The following PREPL variants were observed in gnomAD, a reference collection of about 807,000 sequenced individuals.
PREPL encodes prolyl endopeptidase like.
A neutral mutation model predicts 70.6 loss-of-function variants in PREPL; 77 were observed. The ratio of observed to expected loss-of-function variants is 1.09; its 90% CI spans 0.91 to 1.32. The LOEUF (loss-of-function observed/expected upper bound fraction) is 1.32, where lower values mean the gene tolerates loss of function less well. Ranked by LOEUF, PREPL falls within the 40% of genes most tolerant of loss-of-function variation. PREPL has a pLI of 0.00. For missense variants in PREPL, 1,002 were observed against 778.2 expected, an observed-to-expected ratio of 1.29 and a Z score of -3.42; for synonymous variants, 315 against 264.8, an observed-to-expected ratio of 1.19 and a Z score of -1.84.
In PREPL at chr2:44,342,448, T is replaced by TA; in HGVS notation, c.453dup (p.Asn152Ter). On this transcript the variant is annotated frameshift_variant, in exon 5 of 14. Coordinates refer to ENST00000409411, the MANE Select transcript of PREPL (RefSeq NM_001171613.2). LOFTEE classifies it high-confidence loss of function. ...TCTTTTTCTGTGTAAAAGCGTTCAT[T>TA]ACGTTTGTTATCACCAAAAGTGGCT... is the stretch of plus-strand genomic sequence containing the variant. The TA allele has an allele frequency of 6.2e-7, 1 of 1,613,342 alleles. No homozygotes were observed. The highest frequency in any genetic ancestry group is 8.5e-7 in the Non-Finnish European group (1 of 1,179,500).
intron 1 of PREPL, 131 bp from the exon 2 acceptor site, chr2:44,346,521 T>C (rs958173988): frequency 2.6e-6 from 2 of 757,798 alleles, no homozygotes; most frequent in Non-Finnish European, 4.3e-6. Context: ...ATAGTAGGTA[T>C]TTCACAGATT....
At chr2:44,361,824 C>G, upstream of PREPL, 1 of 1,188,924 alleles carries the variant, frequency 8.4e-7, no homozygotes, top group South Asian at 2.2e-5. Flanking sequence ...GGCGTGACAG[C>G]TCGGCCCTGG....
At chr2:44,358,290 C>G (rs1461699098) in intron 1 of PREPL, among the ~76,000 whole-genome samples, 4 of 152,052 alleles carry the variant, frequency 2.6e-5, no homozygotes, top group African/African-American at 7.2e-5. Context: ...GAATTGCATA[C>G]TTTAAAATGG....
chr2:44,331,452 C>T (rs557879004), intron 8 of PREPL, among the ~76,000 whole-genome samples: 7 of 152,132 alleles, frequency 4.6e-5, no homozygotes, highest in African/African-American at 9.6e-5. Flanking sequence ...GTGATCTGCC[C>T]GCCTCAGCCT....
chr2:44,348,913 G>C (rs999783552), intron 1 of PREPL, among the ~76,000 whole-genome samples: 3 of 152,178 alleles, frequency 2.0e-5, no homozygotes, highest in Non-Finnish European at 4.4e-5. Flanking sequence ...AATATCATTA[G>C]CGTACACAGC....
chr2:44,355,861 C>G (rs76933970), intron 1 of PREPL, among the ~76,000 whole-genome samples: 25 of 151,168 alleles, frequency 1.7e-4, no homozygotes, highest in African/African-American at 6.1e-4. Flanking sequence ...ACATGTTTAA[C>G]CAAAGGATTT....
chr2:44,332,298 T>TA (rs903157133), intron 8 of PREPL, among the ~76,000 whole-genome samples, 161 bp downstream of exon 8: 5 of 152,070 alleles, frequency 3.3e-5, no homozygotes, highest in African/African-American at 1.2e-4. Context: ...ATATTAAGGT[T>TA]AAAAAAAATT....
rs757025948 is a variant in PREPL, at chr2:44,359,564, C to A, written c.-49+1816G>T. 4 of 1,613,286 alleles carry A rather than the reference C, an allele frequency of 2.5e-6. No individual in the cohort carries two copies. In the African/African-American group the frequency reaches 5.3e-5, roughly 22 times the overall value. ...TGATATCTTGGGTTTATTCTGAAGACACTTGGTTAGGTGATATTTTTTCAA... is the reference window on the plus strand; with the variant it reads ...TGATATCTTGGGTTTATTCTGAAGAAACTTGGTTAGGTGATATTTTTTCAA... On this transcript the variant is annotated intron_variant, in intron 1 of 13. Coordinates refer to ENST00000409411, the MANE Select transcript of PREPL (RefSeq NM_001171613.2).
Position 44,326,879 on chromosome 2 carries a change from T to C in PREPL, c.1312A>G (p.Lys438Glu), listed in dbSNP as rs1673555028. The C allele has an allele frequency of 1.9e-6, 3 of 1,614,178 alleles. No individual in the cohort carries two copies. Among genetic ancestry groups the C allele is most frequent in the African/African-American group, 1.3e-5 (1 of 75,046 alleles). The stretch of plus-strand genomic sequence containing the variant: ...AAATCAGCAAGGCCATTGAGTTTTT[T>C]AGTTAGGCGGCCATCAGCGTGCCAC... The part of the protein sequence containing the change: ...LQWHADGRLT[K>E]KLNGLADLEA... The change falls in exon 10 of 14, where the codon AAA becomes GAA. Residue 438 changes from lysine (K) to glutamate (E), a missense_variant. Lys to Glu is a moderately conservative substitution (Grantham distance 56, BLOSUM62 1). Coordinates refer to ENST00000409411, the MANE Select transcript of PREPL (RefSeq NM_001171613.2).
rs1266148203 is a variant in PREPL at position 44,320,957 on chromosome 2, T to C, written c.*399A>G. The C allele has an allele frequency of 2.7e-5, 11 of 410,040 alleles. No homozygotes were observed. Among genetic ancestry groups the C allele is most frequent in the Non-Finnish European group, 4.5e-5 (10 of 224,336 alleles). The allele number at this position is 410,040 out of a possible 1,614,324, so 25.4% of individuals were successfully genotyped here. Reference sequence around the variant, plus strand: ...AAGAATTTTATCTTTTCCCTTAAAATGCAGTCATAGAAATTAGAGGATGAC... The same window carrying C: ...AAGAATTTTATCTTTTCCCTTAAAACGCAGTCATAGAAATTAGAGGATGAC... On this transcript the variant is annotated 3_prime_UTR_variant, in exon 14 of 14. Transcript: ENST00000409411.
chr2:44,348,031 T>C (rs1227157659), intron 1 of PREPL, among the ~76,000 whole-genome samples: 1 of 152,172 alleles, frequency 6.6e-6, no homozygotes, highest in African/African-American at 2.4e-5. Flanking sequence ...CTCAATCATT[T>C]AGCCTCTACT....
intron 6 of PREPL, 149 bp from the exon 7 acceptor site, chr2:44,338,685 G>A: frequency 1.4e-6 from 1 of 716,126 alleles, no homozygotes; most frequent in Non-Finnish European, 2.3e-6. Flanking sequence ...GATAAAGTGT[G>A]ACCATCAACC....
In PREPL at chr2:44,318,173, C is replaced by A. The variant is rs1213000911; in HGVS notation, c.*3183G>T. The A allele has an allele frequency of 2.3e-6, 1 of 433,678 alleles. No homozygotes were observed. Among genetic ancestry groups the A allele is most frequent in the Admixed American group, 2.6e-5 (1 of 38,898 alleles). The allele number at this position is 433,678 out of a possible 1,614,324, so 26.9% of individuals were successfully genotyped here. A position where few individuals can be genotyped will look rare whatever the true frequency, so the allele number is the denominator to read the frequency against. ...TGGCGTGATCTCGGCACACTGCAGC[C>A]TCTGCTTCCTGGGTTCAAGTGATTC... On this transcript the variant is annotated 3_prime_UTR_variant, in exon 14 of 14. Transcript: ENST00000409411.
At position 44,323,288 on chromosome 2, in the gene PREPL, A is replaced by G; in HGVS notation, c.1603T>C (p.Cys535Arg). 6.2e-7 allele frequency: 1 copy of G among 1,607,024 alleles called. No individual in the cohort carries two copies. Among genetic ancestry groups the G allele is most frequent in the East Asian group, 2.2e-5 (1 of 44,682 alleles). Residue 535 changes from cysteine (C) to arginine (R), a missense_variant, in exon 11 of 14, where the codon TGT (cysteine) becomes CGT (arginine). By Grantham distance (180) the Cys-to-Arg change is radical. Transcript: ENST00000409411. ...TGAGGTTTAATATTTTGATAGGGAC[A>G]GTAACGTTTTATGTAGTTCTTGTGT... ...EKHKNYIKRY[C>R]PYQNIKPQHY...
chr2:44,326,052 G>C (rs1288310694), intron 10 of PREPL, among the ~76,000 whole-genome samples: 1 of 152,208 alleles, frequency 6.6e-6, no homozygotes, highest in Non-Finnish European at 1.5e-5. Flanking sequence ...GCCTGTCAAG[G>C]TGACCAGGAG....
chr2:44,317,896 CAAAA>C lies in PREPL; in HGVS notation c.*3456_*3459del. 1 of 221,836 alleles carries C rather than the reference CAAAA, an allele frequency of 4.5e-6. No homozygotes were observed. The highest frequency in any genetic ancestry group is 5.6e-5 in the Admixed American group (1 of 17,888). The allele number at this position is 221,836 out of a possible 1,614,324, so 13.7% of individuals were successfully genotyped here. On this transcript the variant is annotated 3_prime_UTR_variant, in exon 14 of 14. Coordinates refer to ENST00000409411, the MANE Select transcript of PREPL (RefSeq NM_001171613.2). The stretch of plus-strand genomic sequence containing the variant: ...TTAAAAGATAAAACCACTCAGATAA[CAAAA>C]ACAGACATAAGAAACACTAACATAA...
chr2:44,335,866 C>G, intron 7 of PREPL, among the ~76,000 whole-genome samples: 1 of 151,154 alleles, frequency 6.6e-6, no homozygotes, highest in South Asian at 2.1e-4. Context: ...CAGAAAAAAA[C>G]CCCAACACCA....
chr2:44,357,084 G>C (rs1482477335), intron 1 of PREPL, among the ~76,000 whole-genome samples: 2 of 152,212 alleles, frequency 1.3e-5, no homozygotes, highest in Non-Finnish European at 2.9e-5. Flanking sequence ...GGGATTACTG[G>C]CGTGAGCCAG....
At chr2:44,358,050 A>G (rs1448919869) in intron 1 of PREPL, among the ~76,000 whole-genome samples, 1 of 152,202 alleles carries the variant, frequency 6.6e-6, no homozygotes, top group Non-Finnish European at 1.5e-5. Flanking sequence ...CAACACCTAA[A>G]TAGGTATCAG....
Sources: allele counts gnomAD v4.1 joint callset (sites outside exome capture counted in the v4.1 genomes callset), GRCh38; gene constraint gnomAD v4.1.1; transcripts MANE v1.5; gene names NCBI Gene and HGNC (gene_info 2026-07-23, HGNC 2026-07-21).